EHD2: variants seen among roughly 807,000 people sequenced by gnomAD.
The protein encoded by EHD2 is EH domain-containing protein 2.
EHD2 carries 27 observed loss-of-function variants against 41.0 expected under a neutral mutation model. The ratio of observed to expected loss-of-function variants is 0.66; its 90% confidence interval spans 0.49 to 0.91. EHD2 has a LOEUF of 0.91. Ranked by LOEUF, EHD2 falls within the 40% of genes least tolerant of loss-of-function variation. The pLI is 0.00. For synonymous variants in EHD2, 342 were observed against 341.0 expected (o/e 1.00, Z -0.03); for missense variants, 673 against 773.9 (o/e 0.87, Z 1.55).
chr19:47,737,472 C>A (rs1348381021), intron 5 of EHD2, among the ~76,000 whole-genome samples: 3 of 151,322 alleles, frequency 2.0e-5, no homozygotes, highest in Non-Finnish European at 4.4e-5. Flanking sequence ...GCCTGGCCAA[C>A]ATGGTGAAAC....
intron 3 of EHD2, among the ~76,000 whole-genome samples, chr19:47,722,315 G>A (rs1420662975): frequency 6.6e-6 from 1 of 151,988 alleles, no homozygotes; most frequent in African/African-American, 2.4e-5. Flanking sequence ...ATCTGGGCCA[G>A]TATGTGTGTT....
intron 1 of EHD2, among the ~76,000 whole-genome samples, chr19:47,715,724 C>T (rs979796699): frequency 2.6e-5 from 4 of 152,188 alleles, no homozygotes; most frequent in East Asian, 1.9e-4. Context: ...CATCAATCCC[C>T]CTTCTTCAAC....
At chr19:47,740,543 C>T (rs183388290) in intron 5 of EHD2, among the ~76,000 whole-genome samples, 46 of 152,108 alleles carry the variant, frequency 3.0e-4, no homozygotes, top group African/African-American at 7.2e-4. Context: ...GTCAGGAGTT[C>T]GAGACCAGCC....
At chr19:47,736,887 A>G (rs907503806) in intron 5 of EHD2, among the ~76,000 whole-genome samples, 1 of 152,170 alleles carries the variant, frequency 6.6e-6, no homozygotes, top group Non-Finnish European at 1.5e-5. Context: ...TTCATGGTAC[A>G]AAAGGGCTGT....
chr19:47,728,713 CGT>C (rs1029308194), intron 4 of EHD2, among the ~76,000 whole-genome samples: 8 of 151,972 alleles, frequency 5.3e-5, no homozygotes, highest in Admixed American at 2.6e-4. Flanking sequence ...GGGTTACAGG[CGT>C]GTGCCACCAC....
intron 4 of EHD2, 72 bp from the exon 5 acceptor site, chr19:47,736,297 G>A: frequency 2.1e-6 from 3 of 1,440,532 alleles, no homozygotes; most frequent in African/African-American, 1.5e-5. Context: ...TGGGAGTGGG[G>A]CCTGCAGCCT....
rs993365499 is a variant in EHD2, at chr19:47,737,094, G to A, written c.1080+561G>A. Among the ~76,000 whole-genome samples, 5 of 152,154 alleles carry A rather than the reference G, an allele frequency of 3.3e-5. No individual in the cohort carries two copies. The East Asian group carries it at 7.8e-4, about 24-fold the overall frequency. ...AAAATACAAAAAATTAGCTGGGTGT[G>A]GTGGTGGGCGCCTGTAGTCCCAGCT... On this transcript the variant is annotated intron_variant, in intron 5 of 5. Coordinates refer to ENST00000263277, the MANE Select transcript of EHD2 (RefSeq NM_014601.4).
chr19:47,719,747 G>C lies in EHD2; in HGVS notation c.502+1141G>C, dbSNP rs1411655997. On this transcript the variant is annotated intron_variant, in intron 3 of 5. Transcript: ENST00000263277. This position sits in a 1 kb window ranked among gnomAD's most constrained non-coding sequence, Gnocchi z 4.1. ...ATTGGGAGGACACGCTGCCAGCTGAGGGGGAGGAATTCCTGGGGCTCCCAC... is the reference window on the plus strand; with the variant it reads ...ATTGGGAGGACACGCTGCCAGCTGACGGGGAGGAATTCCTGGGGCTCCCAC... Among the ~76,000 whole-genome samples, 2 of 151,940 alleles carry C rather than the reference G, an allele frequency of 1.3e-5. No homozygotes were observed. Among genetic ancestry groups the C allele is most frequent in the East Asian group, 1.9e-4 (1 of 5,176 alleles).
rs549606788 is a variant in EHD2 at position 47,713,801 on chromosome 19, C to T, written c.-56+263C>T. On this transcript the variant is annotated intron_variant, in intron 1 of 5. Transcript: ENST00000263277. The stretch of plus-strand genomic sequence containing the variant: ...GTCTCCTCCATCCTCCCCCAACACC[C>T]CTCCCTATCCCCTGGGCTAGAAGAG... Among the ~76,000 whole-genome samples the T allele has an allele frequency of 5.3e-5, 8 of 152,144 alleles. No homozygotes were observed. The South Asian group carries it at 1.7e-3, about 32-fold the overall frequency.
chr19:47,715,080 AAAAG>A (rs1359154685), intron 1 of EHD2, among the ~76,000 whole-genome samples: 4 of 147,164 alleles, frequency 2.7e-5, no homozygotes, highest in East Asian at 2.0e-4. Flanking sequence ...TAAATAAATA[AAAAG>A]AAAGAAAAGC....
chr19:47,716,525 C>A (rs1187200394), intron 1 of EHD2, 33 bp from the exon 2 acceptor site: 1 of 1,403,132 alleles, frequency 7.1e-7, no homozygotes, highest in Non-Finnish European at 9.3e-7. Flanking sequence ...TTGGCTGGGC[C>A]GCCTATGCTC....
Position 47,725,876 on chromosome 19 carries a change from T to C in EHD2, c.567T>C (p.Phe189=), listed in dbSNP as rs376420269. The change falls in exon 4 of 6, where the codon TTT becomes TTC. Residue 189 remains phenylalanine, a synonymous_variant. Coordinates refer to ENST00000263277, the MANE Select transcript of EHD2 (RefSeq NM_014601.4). ...AERVDLIILL[F]DAHKLEISDE... ...GCGTGGACCTCATCATCCTGCTCTT[T>C]GATGCGCACAAGCTGGAGATCTCGG... The C allele has an allele frequency of 8.1e-6, 13 of 1,613,086 alleles. No individual in the cohort carries two copies. The highest frequency in any genetic ancestry group is 9.3e-6 in the Non-Finnish European group (11 of 1,179,240).
intron 5 of EHD2, among the ~76,000 whole-genome samples, chr19:47,737,621 C>T (rs1199559660): frequency 6.6e-6 from 1 of 151,920 alleles, no homozygotes; most frequent in Non-Finnish European, 1.5e-5. Flanking sequence ...CACACCACTG[C>T]AATCCAGCCT....
chr19:47,716,890 C>G lies in EHD2; in HGVS notation c.278C>G (p.Thr93Ser). The G allele has an allele frequency of 6.2e-7, 1 of 1,612,688 alleles. No homozygotes were observed. The highest frequency in any genetic ancestry group is 8.5e-7 in the Non-Finnish European group (1 of 1,179,832). Residue 93 changes from threonine (T) to serine (S), a missense_variant, in exon 2 of 6, where the codon ACC (threonine) becomes AGC (serine). Transcript: ENST00000263277. ...GGCTCCCGCGTGGGGCCTGAGCCCA[C>G]CACCGACTGCTTTGTGGCCGTCATG... Reference protein sequence around the residue: ...VPGSRVGPEPTTDCFVAVMHG... With the variant: ...VPGSRVGPEPSTDCFVAVMHG...
At chr19:47,728,293 C>A (rs1386174287) in intron 4 of EHD2, among the ~76,000 whole-genome samples, 3 of 151,862 alleles carry the variant, frequency 2.0e-5, no homozygotes, top group African/African-American at 7.3e-5. Flanking sequence ...TTGCTGCTCC[C>A]TCTTCCTGGA....
At chr19:47,715,478 G>T (rs1309097471) in intron 1 of EHD2, among the ~76,000 whole-genome samples, 1 of 152,084 alleles carries the variant, frequency 6.6e-6, no homozygotes, top group East Asian at 1.9e-4. Context: ...CCCTCCTCTG[G>T]ATGTCTGGCA....
In EHD2 at chr19:47,736,421, G is replaced by C; in HGVS notation, c.968G>C (p.Gly323Ala). 3 of 1,613,336 alleles carry C rather than the reference G, an allele frequency of 1.9e-6. No individual in the cohort carries two copies. Among genetic ancestry groups the C allele is most frequent in the Non-Finnish European group, 2.5e-6 (3 of 1,179,752 alleles). The change falls in exon 5 of 6, where the codon GGG (glycine) becomes GCG (alanine). Residue 323 changes from glycine to alanine, a missense_variant. Gly to Ala is a moderately conservative substitution (Grantham distance 60). Coordinates refer to ENST00000263277, the MANE Select transcript of EHD2 (RefSeq NM_014601.4). Reference sequence around the variant, plus strand: ...AAGAAGGAGATGCCCTCTGTGTTTGGGAAGGAGAACAAGAAGAAGCAGCTG... The same window carrying C: ...AAGAAGGAGATGCCCTCTGTGTTTGCGAAGGAGAACAAGAAGAAGCAGCTG... Reference protein sequence around the residue: ...YLKKEMPSVFGKENKKKQLIL... With the variant: ...YLKKEMPSVFAKENKKKQLIL...
In EHD2 at chr19:47,741,971, A is replaced by G. The variant is rs1241227111; in HGVS notation, c.*539A>G. On this transcript the variant is annotated 3_prime_UTR_variant, in exon 6 of 6. Coordinates refer to ENST00000263277, the MANE Select transcript of EHD2 (RefSeq NM_014601.4). This position sits in a 1 kb window ranked among gnomAD's most constrained non-coding sequence, Gnocchi z 4.5. Reference sequence around the variant, plus strand: ...CTGCTCCGCTTCCTCCTGCCCAGCCAGGCAACACCCTCAACCGGCTCCATC... The same window carrying G: ...CTGCTCCGCTTCCTCCTGCCCAGCCGGGCAACACCCTCAACCGGCTCCATC... The G allele has an allele frequency of 9.4e-5, 43 of 455,862 alleles. No individual in the cohort carries two copies. The highest frequency in any genetic ancestry group is 1.6e-4 in the Non-Finnish European group (36 of 226,826). 28.2% of individuals were successfully genotyped at this position (455,862 alleles called of 1,614,324 possible).
At position 47,718,534 on chromosome 19, in the gene EHD2, C is replaced by T; in HGVS notation, c.430C>T (p.Gln144Ter). The change falls in exon 3 of 6, where the codon CAG becomes TAG. Residue 144 changes from glutamine (Q) to a stop codon, truncating the protein, a stop_gained. Transcript: ENST00000263277. LOFTEE classifies it high-confidence loss of function. ...NRFMCAQLPN[Q>*]VLESISIIDT... is the part of the protein sequence containing the mutation. ...GTTCATGTGTGCCCAGCTCCCTAAT[C>T]AGGTCCTGGAGAGCATCAGCATCAT... The T allele has an allele frequency of 6.3e-7, 1 of 1,586,948 alleles. No homozygotes were observed. The highest frequency in any genetic ancestry group is 8.6e-7 in the Non-Finnish European group (1 of 1,166,188).
Sources: gnomAD v4.1 joint callset for allele counts (sites outside exome capture counted in the v4.1 genomes callset) on GRCh38, gnomAD v4.1.1 for gene constraint, Gnocchi (gnomAD v3.1) non-coding constraint, MANE v1.5 for transcripts, NCBI Gene and HGNC (gene_info 2026-07-23, HGNC 2026-07-21) for gene names.